TTC39C: variants seen among roughly 807,000 people sequenced by gnomAD.
TTC39C encodes the protein tetratricopeptide repeat domain 39C, also known as tetratricopeptide repeat protein 39C.
Under a neutral mutation model 76.3 loss-of-function variants are expected in TTC39C, and 33 were observed. The observed-to-expected ratio is 0.43, with a 90% CI of 0.33 to 0.58. The LOEUF (loss-of-function observed/expected upper bound fraction) is 0.58. Ranked by LOEUF, TTC39C falls within the 20% of genes least tolerant of loss-of-function variation. The pLI, the probability that TTC39C is intolerant of heterozygous loss-of-function variation, is 0.04. For missense variants in TTC39C, 595 were observed against 701.4 expected, an observed-to-expected ratio of 0.85 and a Z score of 1.71; for synonymous variants, 254 against 260.6, an observed-to-expected ratio of 0.97 and a Z score of 0.24.
At chr18:24,104,579 C>T (rs1450251111) in intron 6 of TTC39C, among the ~76,000 whole-genome samples, 2 of 152,126 alleles carry the variant, frequency 1.3e-5, no homozygotes, top group Non-Finnish European at 2.9e-5. Context: ...TTGTCTGCCC[C>T]TCCCCATTAG....
chr18:24,005,967 A>T lies in TTC39C; in HGVS notation c.-17+12929A>T, dbSNP rs947687802. ...AACATTTTCAAGATTAGTTTTTAGA[A>T]TGTATGTGTGTGCCTTCCTTAGGGT... On this transcript the variant is annotated intron_variant, in intron 1 of 13. Transcript: ENST00000304621. 7.9e-5 allele frequency among the ~76,000 whole-genome samples: 12 copies of T among 152,248 alleles called. No homozygotes were observed. The East Asian group carries it at 2.3e-3, about 29-fold the overall frequency.
chr18:24,030,018 C>T (rs1168113417), intron 1 of TTC39C, among the ~76,000 whole-genome samples: 1 of 152,048 alleles, frequency 6.6e-6, no homozygotes, highest in Non-Finnish European at 1.5e-5. Context: ...CTCAGAGTAC[C>T]CAGTAGTGAG....
At position 24,092,560 on chromosome 18, in the gene TTC39C, T is replaced by G. The variant is rs183951366; in HGVS notation, c.984+9479T>G. ...AATATTATTCAGCAATAGAAAGGAA[T>G]GAAGTACAGATACATACTATAGCAT... On this transcript the variant is annotated intron_variant, in intron 6 of 13. Transcript: ENST00000317571. Among the ~76,000 whole-genome samples, 610 of 152,310 alleles carry G rather than the reference T, an allele frequency of 4.0e-3. 5 individuals carry two copies. Among genetic ancestry groups the G allele is most frequent in the African/African-American group, 0.014 (587 of 41,572 alleles).
intron 6 of TTC39C, among the ~76,000 whole-genome samples, chr18:24,108,167 CGATGTTTAACCCAACA>C (rs1395140521): frequency 1.6e-4 from 25 of 152,160 alleles, no homozygotes; most frequent in Admixed American, 1.4e-3. Flanking sequence ...ACCTCTTGTC[CGATGTTTAACCCAACA>C]GATTGAAGTG....
At chr18:24,031,359 G>C (rs992135448) in intron 1 of TTC39C, among the ~76,000 whole-genome samples, 2 of 152,204 alleles carry the variant, frequency 1.3e-5, no homozygotes, top group Admixed American at 1.3e-4. Context: ...CCCAGTCCTA[G>C]AGTGTATGCT....
At chr18:24,084,894 G>T (rs1264551408) in intron 6 of TTC39C, among the ~76,000 whole-genome samples, 1 of 152,032 alleles carries the variant, frequency 6.6e-6, no homozygotes, top group Non-Finnish European at 1.5e-5. Context: ...CAAACTCCTG[G>T]GCTCAAGAGA....
intron 5 of TTC39C, 144 bp downstream of exon 5, chr18:24,081,083 C>A: frequency 1.4e-6 from 1 of 727,380 alleles, no homozygotes; most frequent in Non-Finnish European, 2.2e-6. Context: ...AATGCAACAC[C>A]AAGGACTGTG....
At chr18:24,028,283 T>C (rs1024837465) in intron 1 of TTC39C, among the ~76,000 whole-genome samples, 1 of 152,214 alleles carries the variant, frequency 6.6e-6, no homozygotes, top group African/African-American at 2.4e-5. Context: ...AAATTGCCAA[T>C]GTGAAAATGA....
chr18:24,046,275 T>C (rs1053365911), intron 1 of TTC39C, among the ~76,000 whole-genome samples: 1 of 151,746 alleles, frequency 6.6e-6, no homozygotes, highest in Non-Finnish European at 1.5e-5. Flanking sequence ...ACTACACTTC[T>C]TACTTGTATC....
chr18:24,090,521 C>G (rs2084503477), intron 6 of TTC39C, among the ~76,000 whole-genome samples: 1 of 152,062 alleles, frequency 6.6e-6, no homozygotes, highest in Non-Finnish European at 1.5e-5. Context: ...GCAGTACTTT[C>G]CTAATTGAGC....
chr18:24,115,639 G>T (rs577983756), intron 7 of TTC39C, among the ~76,000 whole-genome samples: 1 of 152,320 alleles, frequency 6.6e-6, no homozygotes, highest in African/African-American at 2.4e-5. Flanking sequence ...TGTCAGTTTG[G>T]GGGGTCAGGC....
intron 1 of TTC39C, among the ~76,000 whole-genome samples, chr18:24,023,981 CATATA>C (rs1568409011): frequency 0.041 from 728 of 17,820 alleles, 229 homozygotes; most frequent in Non-Finnish European, 0.066. Flanking sequence ...TATATATATA[CATATA>C]TATATATATA....
chr18:24,055,219 T>C (rs919823263), intron 1 of TTC39C, among the ~76,000 whole-genome samples: 4 of 152,220 alleles, frequency 2.6e-5, no homozygotes, highest in African/African-American at 9.6e-5. Flanking sequence ...TACAGATACC[T>C]GTTTGAGTCC....
intron 6 of TTC39C, among the ~76,000 whole-genome samples, chr18:24,098,823 GGTTTTGCCAT>G (rs2084634049): frequency 6.6e-6 from 1 of 151,638 alleles, no homozygotes; most frequent in Non-Finnish European, 1.5e-5. Context: ...GTAGAGACGG[GGTTTTGCCAT>G]GTTGGCCAGG....
intron 1 of TTC39C, among the ~76,000 whole-genome samples, chr18:24,052,964 G>T (rs1325847467): frequency 6.6e-6 from 1 of 152,180 alleles, no homozygotes; most frequent in Non-Finnish European, 1.5e-5. Flanking sequence ...AGAATCACAG[G>T]TAATGAATTT....
In TTC39C at chr18:24,014,773, G is replaced by A; in HGVS notation, c.-99G>A. On this transcript the variant is annotated 5_prime_UTR_variant, in exon 1 of 14. Coordinates refer to ENST00000317571, the MANE Select transcript of TTC39C (RefSeq NM_001135993.2). ...TCCCCTCCCCTCCCCTCCCGGCTCCGCTTGGCTCCGGGCAGGTAGAGCCGG... is the reference window on the plus strand; with the variant it reads ...TCCCCTCCCCTCCCCTCCCGGCTCCACTTGGCTCCGGGCAGGTAGAGCCGG... 3 of 1,108,230 alleles carry A rather than the reference G, an allele frequency of 2.7e-6. No individual in the cohort carries two copies. The highest frequency in any genetic ancestry group is 3.3e-6 in the Non-Finnish European group (3 of 908,432). 68.6% of individuals were successfully genotyped at this position (1,108,230 alleles called of 1,614,324 possible). A position where few individuals can be genotyped will look rare whatever the true frequency, so the allele number is the denominator to read the frequency against.
chr18:24,071,359 G>A (rs2084239781), intron 4 of TTC39C, among the ~76,000 whole-genome samples: 1 of 152,158 alleles, frequency 6.6e-6, no homozygotes, highest in South Asian at 2.1e-4. Flanking sequence ...CCCTGCCCTC[G>A]TGAAGCTGAG....
chr18:24,020,785 C>T (rs559378655), intron 1 of TTC39C, among the ~76,000 whole-genome samples: 1 of 152,152 alleles, frequency 6.6e-6, no homozygotes, highest in South Asian at 2.1e-4. Flanking sequence ...TTGTGGAATT[C>T]GCGGATACTG....
intron 1 of TTC39C, among the ~76,000 whole-genome samples, chr18:24,006,689 G>A (rs2083355647): frequency 6.6e-6 from 1 of 152,118 alleles, no homozygotes; most frequent in African/African-American, 2.4e-5. Flanking sequence ...TGTAAAGAAT[G>A]AACAAATTAA....
Sources: allele counts gnomAD v4.1 joint callset (sites outside exome capture counted in the v4.1 genomes callset), GRCh38; gene constraint gnomAD v4.1.1; transcripts MANE v1.5; gene names NCBI Gene and HGNC (gene_info 2026-07-23, HGNC 2026-07-21).